Variants in RBFOX1 observed in about 807,000 individuals in gnomAD.
The protein encoded by RBFOX1 is RNA binding protein fox-1 homolog 1.
RBFOX1 carries 8 observed loss-of-function variants against 57.7 expected under a neutral mutation model. The ratio of observed to expected loss-of-function variants is 0.14; its 90% CI spans 0.08 to 0.25. The LOEUF is 0.25. Among genes scored for constraint, RBFOX1 ranks in the 10% least tolerant of loss-of-function variants. The pLI is 1.00. For synonymous variants in RBFOX1, 326 were observed against 222.4 expected, an observed-to-expected ratio of 1.47 and a Z score of -4.15; for missense variants, 611 against 548.5, an observed-to-expected ratio of 1.11 and a Z score of -1.14.
At chr16:7,224,127 TAAAAAAA>T (rs1168449932) in intron 4 of RBFOX1, among the ~76,000 whole-genome samples, 8 of 52,256 alleles carry the variant, frequency 1.5e-4, no homozygotes, top group Non-Finnish European at 2.3e-4. Flanking sequence ...TTCCTTTTTC[TAAAAAAA>T]AAAAAAAAAA....
intron 3 of RBFOX1, among the ~76,000 whole-genome samples, chr16:6,813,303 A>C (rs1188693932): frequency 6.6e-6 from 1 of 152,040 alleles, no homozygotes; most frequent in African/African-American, 2.4e-5. Flanking sequence ...CCATGAAACA[A>C]CCCTCTTCGT....
At chr16:7,617,949 G>T (rs1282509186) in intron 10 of RBFOX1, among the ~76,000 whole-genome samples, 1 of 151,832 alleles carries the variant, frequency 6.6e-6, no homozygotes, top group Non-Finnish European at 1.5e-5. Flanking sequence ...TATGGAGGTG[G>T]TTGGTAGGGT....
intron 4 of RBFOX1, among the ~76,000 whole-genome samples, chr16:7,249,617 C>T (rs905541347): frequency 2.0e-5 from 3 of 150,878 alleles, no homozygotes; most frequent in East Asian, 1.9e-4. Context: ...AAAAAAGAGC[C>T]TGTAAGAATA....
chr16:7,166,215 T>C (rs753387857), intron 4 of RBFOX1, among the ~76,000 whole-genome samples: 3 of 152,092 alleles, frequency 2.0e-5, no homozygotes, highest in East Asian at 1.9e-4. Context: ...GGTTTTGCCA[T>C]GTAGGCCAGG....
At chr16:7,658,350 G>A (rs1037052153) in intron 12 of RBFOX1, among the ~76,000 whole-genome samples, 103 of 152,124 alleles carry the variant, frequency 6.8e-4, no homozygotes, top group Non-Finnish European at 2.9e-4. Context: ...ATTGCTTATG[G>A]AATATGTAGA....
chr16:5,937,858 T>C (rs2152260008), intron 4 of RBFOX1, among the ~76,000 whole-genome samples: 1 of 151,466 alleles, frequency 6.6e-6, no homozygotes, highest in East Asian at 1.9e-4. Context: ...TATATGTACA[T>C]ATATACATGC....
At chr16:6,305,843 C>T (rs989412178) in intron 1 of RBFOX1, among the ~76,000 whole-genome samples, 15 of 152,044 alleles carry the variant, frequency 9.9e-5, no homozygotes, top group African/African-American at 3.1e-4. Flanking sequence ...AAAGCTCTTT[C>T]TTCACGTATG....
At chr16:6,695,008 C>G (rs1262111475) in intron 3 of RBFOX1, among the ~76,000 whole-genome samples, 1 of 152,082 alleles carries the variant, frequency 6.6e-6, no homozygotes, top group Admixed American at 6.5e-5. Flanking sequence ...CATAGACATT[C>G]TAAAAGCTGC....
intron 2 of RBFOX1, among the ~76,000 whole-genome samples, chr16:6,623,876 G>C (rs2098269252): frequency 6.6e-6 from 1 of 152,118 alleles, no homozygotes; most frequent in Non-Finnish European, 1.5e-5. Flanking sequence ...CCAAGTCTTT[G>C]CTATTGTGAA....
At chr16:7,546,026 AAAAAG>A (rs2084400650) in intron 5 of RBFOX1, among the ~76,000 whole-genome samples, 1 of 148,264 alleles carries the variant, frequency 6.7e-6, no homozygotes, top group African/African-American at 2.5e-5. Flanking sequence ...AAAAAAAAAA[AAAAAG>A]AAAAAGAAAA....
chr16:7,234,302 T>C (rs1239341028), intron 4 of RBFOX1, among the ~76,000 whole-genome samples: 1 of 152,100 alleles, frequency 6.6e-6, no homozygotes, highest in African/African-American at 2.4e-5. Context: ...GTGGTTTATC[T>C]TCCAGTGGGT....
intron 4 of RBFOX1, chr16:7,126,252 C>G (rs1158178056): frequency 2.8e-5 from 7 of 246,696 alleles, no homozygotes; most frequent in South Asian, 1.8e-4. Flanking sequence ...TTATTTTTCT[C>G]CAGAGTATCG....
chr16:6,772,162 T>A (rs923789969), intron 3 of RBFOX1, among the ~76,000 whole-genome samples: 3 of 152,058 alleles, frequency 2.0e-5, no homozygotes, highest in African/African-American at 7.3e-5. Context: ...GGTTCCGGTG[T>A]GGGCAAAGAG....
chr16:6,999,229 A>ATT (rs1208010446), intron 3 of RBFOX1, among the ~76,000 whole-genome samples: 6 of 66,798 alleles, frequency 9.0e-5, no homozygotes, highest in African/African-American at 2.1e-4. Context: ...TTTTTTATTT[A>ATT]TTTTTTTTTT....
intron 4 of RBFOX1, among the ~76,000 whole-genome samples, chr16:7,506,750 T>G (rs1279788704): frequency 6.6e-6 from 1 of 152,180 alleles, no homozygotes; most frequent in African/African-American, 2.4e-5. Context: ...TGTTTTCCAT[T>G]TGTTTAGCAC....
chr16:6,649,081 T>C (rs1011398831), intron 2 of RBFOX1, among the ~76,000 whole-genome samples: 21 of 152,330 alleles, frequency 1.4e-4, no homozygotes, highest in African/African-American at 5.0e-4. Flanking sequence ...ATTTTATGTC[T>C]TTAGGCCCAG....
At chr16:6,975,630 C>G (rs1436637074) in intron 3 of RBFOX1, among the ~76,000 whole-genome samples, 5 of 152,268 alleles carry the variant, frequency 3.3e-5, no homozygotes, top group Admixed American at 1.3e-4. Context: ...TCCCACTTGA[C>G]AGATGAAAAG....
At chr16:7,063,492 A>C (rs1568608503) in intron 4 of RBFOX1, among the ~76,000 whole-genome samples, 1 of 152,174 alleles carries the variant, frequency 6.6e-6, no homozygotes, top group African/African-American at 2.4e-5. Flanking sequence ...GCTCTACCCC[A>C]GACCTACTGG....
intron 1 of RBFOX1, among the ~76,000 whole-genome samples, chr16:6,235,447 G>C (rs1341992030): frequency 6.6e-6 from 1 of 152,012 alleles, no homozygotes; most frequent in Non-Finnish European, 1.5e-5. Flanking sequence ...AAAGACACTT[G>C]CACATGCCTG....
Sources: allele counts gnomAD v4.1 joint callset (sites outside exome capture counted in the v4.1 genomes callset), GRCh38; gene constraint gnomAD v4.1.1; transcripts MANE v1.5; gene names NCBI Gene and HGNC (gene_info 2026-07-23, HGNC 2026-07-21).